OSBPL9: variants seen among roughly 807,000 people sequenced by gnomAD.
The protein encoded by OSBPL9 is oxysterol-binding protein-related protein 9.
In OSBPL9, 40 loss-of-function variants were observed where a neutral mutation model predicts 106.6. That is an observed-to-expected ratio of 0.38 (90% CI 0.29 to 0.49). The LOEUF is 0.49. Ranked by LOEUF, OSBPL9 falls within the 20% of genes least tolerant of loss-of-function variation. OSBPL9 has a pLI of 0.97. For synonymous variants in OSBPL9, 269 were observed against 295.4 expected, an observed-to-expected ratio of 0.91 and a Z score of 0.92; for missense variants, 609 against 887.2, an observed-to-expected ratio of 0.69 and a Z score of 3.98.
chr1:51,637,167 A>G (rs1463373305), intron 1 of OSBPL9, among the ~76,000 whole-genome samples: 1 of 152,128 alleles, frequency 6.6e-6, no homozygotes, highest in Non-Finnish European at 1.5e-5. Context: ...AGTTACTCCA[A>G]CCTTTCTGTC....
At chr1:51,523,397 G>A in the OSBPL9 span, among the ~76,000 whole-genome samples, 3 of 151,828 alleles carry the variant, frequency 2.0e-5, no homozygotes, top group African/African-American at 7.2e-5. Context: ...GTGAGCCACC[G>A]CACCCAGACA....
intron 3 of OSBPL9, among the ~76,000 whole-genome samples, chr1:51,684,083 A>T (rs1169146502): frequency 6.6e-6 from 1 of 152,124 alleles, no homozygotes; most frequent in Non-Finnish European, 1.5e-5. Context: ...ACCTCACTGT[A>T]ACCCCCAACA....
intron 11 of OSBPL9, 112 bp from the exon 12 acceptor site, chr1:51,765,710 T>C: frequency 9.6e-7 from 1 of 1,043,036 alleles, no homozygotes; most frequent in Non-Finnish European, 1.4e-6. Context: ...TAGCGACTTT[T>C]ACAAACTTAA....
intron 4 of OSBPL9, among the ~76,000 whole-genome samples, chr1:51,743,525 C>G (rs1254244753): frequency 3.3e-5 from 5 of 152,142 alleles, no homozygotes; most frequent in Non-Finnish European, 5.9e-5. Context: ...AATGTTAATT[C>G]TAAATGGATT....
chr1:51,695,192 C>T (rs1571133705), intron 3 of OSBPL9, among the ~76,000 whole-genome samples: 1 of 152,254 alleles, frequency 6.6e-6, no homozygotes, highest in Non-Finnish European at 1.5e-5. Flanking sequence ...TCTTCAAGGG[C>T]ATTCTTAAAA....
intron 1 of OSBPL9, among the ~76,000 whole-genome samples, chr1:51,580,902 A>T (rs542299377): frequency 7.2e-3 from 1 of 138 alleles, no homozygotes; most frequent in Non-Finnish European, 0.011. Context: ...TTATATATAT[A>T]TATATATATA....
At chr1:51,608,707 G>A (rs1220364929) in intron 2 of OSBPL9, among the ~76,000 whole-genome samples, 2 of 149,788 alleles carry the variant, frequency 1.3e-5, no homozygotes, top group Non-Finnish European at 3.0e-5. Context: ...CCCTGCTCTT[G>A]TCCGCCTAAC....
intron 3 of OSBPL9, among the ~76,000 whole-genome samples, chr1:51,698,568 T>C (rs1454033419): frequency 6.6e-6 from 1 of 152,124 alleles, no homozygotes; most frequent in Non-Finnish European, 1.5e-5. Flanking sequence ...CAAACAAAAT[T>C]TGGAGCCCAC....
chr1:51,644,489 G>A (rs1010436648), intron 1 of OSBPL9, among the ~76,000 whole-genome samples: 8 of 151,872 alleles, frequency 5.3e-5, no homozygotes, highest in Admixed American at 1.3e-4. Flanking sequence ...CACCACACCC[G>A]GCTAATTTTT....
intron 3 of OSBPL9, among the ~76,000 whole-genome samples, chr1:51,673,238 A>T (rs148075930): frequency 5.1e-4 from 77 of 152,352 alleles, no homozygotes; most frequent in African/African-American, 1.7e-3. Context: ...CTACTGACAG[A>T]TCAAATAAGA....
chr1:51,765,871 G>C lies in OSBPL9; in HGVS notation c.828G>C (p.Val276=). Residue 276 remains valine, a synonymous_variant, in exon 12 of 24, where the codon GTG becomes GTC. Coordinates refer to ENST00000428468, the MANE Select transcript of OSBPL9 (RefSeq NM_024586.6). ...PSSSLTSPSH[V]NLSPNTVPEF... Reference sequence around the variant, plus strand: ...GCAGTCTCACTTCTCCAAGCCACGTGAACTTGTCTCCAAATACAGTCCCAG... The same window carrying C: ...GCAGTCTCACTTCTCCAAGCCACGTCAACTTGTCTCCAAATACAGTCCCAG... The C allele has an allele frequency of 6.2e-7, 1 of 1,613,992 alleles. No homozygotes were observed.
At chr1:51,569,980 T>C in the OSBPL9 span, among the ~76,000 whole-genome samples, 5 of 152,318 alleles carry the variant, frequency 3.3e-5, no homozygotes, top group Admixed American at 2.6e-4. Flanking sequence ...TAGGGCCACA[T>C]AGCTAGCAAG....
At chr1:51,740,218 G>T (rs537549336) in intron 4 of OSBPL9, 1 of 1,535,064 alleles carries the variant, frequency 6.5e-7, no homozygotes, top group East Asian at 2.5e-5. Context: ...AATTGTAAGT[G>T]ATTGAATTGT....
At chr1:51,550,625 G>C in the OSBPL9 span, among the ~76,000 whole-genome samples, 1 of 152,196 alleles carries the variant, frequency 6.6e-6, no homozygotes, top group Non-Finnish European at 1.5e-5. Flanking sequence ...CAATGCTCCT[G>C]CCTCAGCCTC....
rs869092922 is a variant in OSBPL9, at chr1:51,767,936, CTTTTTTTTTTTT to C, written c.938+1971_938+1982del. Among the ~76,000 whole-genome samples, 433 of 65,080 alleles carry C rather than the reference CTTTTTTTTTTTT, an allele frequency of 6.7e-3. 2 individuals carry two copies. Among genetic ancestry groups the C allele is most frequent in the African/African-American group, 0.023 (387 of 16,758 alleles). 42.7% of individuals were successfully genotyped at this position (65,080 alleles called of 152,430 possible). On this transcript the variant is annotated intron_variant, in intron 12 of 23. Transcript: ENST00000428468. ...TATTTAAAAGAGAATTAAAGACCGT[CTTTTTTTTTTTT>C]TTTTTTTTTTTTTTTGAGACACAGT...
intron 4 of OSBPL9, among the ~76,000 whole-genome samples, chr1:51,727,951 C>T (rs1201809748): frequency 6.6e-6 from 1 of 152,034 alleles, no homozygotes; most frequent in Non-Finnish European, 1.5e-5. Flanking sequence ...CTGACATTGG[C>T]AGGGAGGAAA....
At chr1:51,567,941 C>CAG in the OSBPL9 span, 1 of 152,220 alleles carries the variant, frequency 6.6e-6, no homozygotes, top group Non-Finnish European at 1.5e-5. Context: ...GTGTATTAAT[C>CAG]AGAGTCCCAG....
At chr1:51,748,493 G>A in intron 7 of OSBPL9, 95 bp downstream of exon 7, 1 of 1,267,108 alleles carries the variant, frequency 7.9e-7, no homozygotes, top group Non-Finnish European at 1.0e-6. Context: ...GACAGCAATT[G>A]AGATGTTAGT....
At chr1:51,529,503 G>A in the OSBPL9 span, among the ~76,000 whole-genome samples, 27 of 151,874 alleles carry the variant, frequency 1.8e-4, no homozygotes, top group Non-Finnish European at 3.4e-4. Flanking sequence ...TTGGCCTCCC[G>A]AAGTGCTGGG....
Sources: allele counts gnomAD v4.1 joint callset (sites outside exome capture counted in the v4.1 genomes callset), GRCh38; gene constraint gnomAD v4.1.1; transcripts MANE v1.5; gene names NCBI Gene and HGNC (gene_info 2026-07-23, HGNC 2026-07-21).